The following GAB2 variants were observed in gnomAD, a reference collection of about 807,000 sequenced individuals.
GAB2 encodes GRB2 associated binding protein 2.
Under a neutral mutation model 65.5 loss-of-function variants are expected in GAB2, and 26 were observed. The observed-to-expected ratio is 0.40, with a 90% CI of 0.29 to 0.55. The LOEUF (loss-of-function observed/expected upper bound fraction) is 0.55. GAB2 is among the 20% of genes least tolerant of loss of function. GAB2 has a pLI of 0.53. For missense variants in GAB2, 884 were observed against 875.8 expected (o/e 1.01, Z -0.12); for synonymous variants, 321 against 329.6 (o/e 0.97, Z 0.28).
chr11:78,342,494 C>T (rs1005405550), intron 1 of GAB2, among the ~76,000 whole-genome samples: 34 of 151,074 alleles, frequency 2.3e-4, no homozygotes, highest in Non-Finnish European at 4.4e-4. Flanking sequence ...CTACAAGCTC[C>T]GCCTCCCGGT....
chr11:78,232,678 A>G (rs1864877294), intron 3 of GAB2, among the ~76,000 whole-genome samples: 1 of 152,244 alleles, frequency 6.6e-6, no homozygotes, highest in Non-Finnish European at 1.5e-5. Flanking sequence ...TGATAAATAC[A>G]TAATTCACAG....
chr11:78,275,802 A>G (rs923964774), intron 2 of GAB2, among the ~76,000 whole-genome samples: 5 of 152,126 alleles, frequency 3.3e-5, no homozygotes, highest in Middle Eastern at 3.2e-3. Context: ...CTATATATCT[A>G]TATCTATATA....
At chr11:78,346,316 A>G (rs936632635) in intron 1 of GAB2, among the ~76,000 whole-genome samples, 3 of 152,124 alleles carry the variant, frequency 2.0e-5, no homozygotes, top group Non-Finnish European at 4.4e-5. Context: ...CAGACTTTTT[A>G]TGAGTATCAT....
chr11:78,336,009 A>G (rs1855990972), intron 1 of GAB2, among the ~76,000 whole-genome samples: 1 of 151,960 alleles, frequency 6.6e-6, no homozygotes, highest in South Asian at 2.1e-4. Context: ...AAATGGGATT[A>G]CTTTTTAAAA....
intron 5 of GAB2, among the ~76,000 whole-genome samples, chr11:78,224,091 A>G (rs1864550091): frequency 6.6e-6 from 1 of 152,192 alleles, no homozygotes; most frequent in African/African-American, 2.4e-5. Context: ...CAAAAAATAA[A>G]AAATAAAAAA....
intron 1 of GAB2, among the ~76,000 whole-genome samples, chr11:78,349,952 A>C (rs1016470387): frequency 2.6e-5 from 4 of 152,188 alleles, no homozygotes; most frequent in Admixed American, 1.3e-4. Context: ...AAAAAAAAGA[A>C]AGACAATCAA....
At chr11:78,328,957 C>A (rs955297239) in intron 1 of GAB2, among the ~76,000 whole-genome samples, 1 of 152,106 alleles carries the variant, frequency 6.6e-6, no homozygotes, top group African/African-American at 2.4e-5. Flanking sequence ...AGATGTGGAA[C>A]TCTAGGGAAT....
intron 2 of GAB2, among the ~76,000 whole-genome samples, chr11:78,269,727 C>G (rs749677323): frequency 4.6e-5 from 7 of 152,064 alleles, no homozygotes; most frequent in Admixed American, 6.6e-5. Flanking sequence ...TAAGTATTTA[C>G]AAAATATTTA....
At chr11:78,405,700 A>T (rs777790126) in intron 1 of GAB2, among the ~76,000 whole-genome samples, 7 of 152,224 alleles carry the variant, frequency 4.6e-5, no homozygotes, top group African/African-American at 7.2e-5. Context: ...CTAAAAGGTG[A>T]AGAGTAGGCG....
chr11:78,394,148 C>T (rs964490329), intron 1 of GAB2, among the ~76,000 whole-genome samples: 4 of 152,108 alleles, frequency 2.6e-5, no homozygotes, highest in Non-Finnish European at 4.4e-5. Flanking sequence ...ATTTGCTGGG[C>T]GTGGTGGCAC....
rs1323644206 is a variant in GAB2, at chr11:78,219,285, C to T, written c.2018G>A (p.Gly673Asp). The change falls in exon 10 of 10, where the codon GGT becomes GAT. Residue 673 changes from glycine (G) to aspartate (D), a missense_variant. Coordinates refer to ENST00000361507, the MANE Select transcript of GAB2 (RefSeq NM_080491.3). The stretch of plus-strand genomic sequence containing the variant: ...GTGGCCCTCTCATCACAGCTTGGCA[C>T]CCTTGGAAGGCTCTGAGGACTGCCG... ...DVRQSSEPSK[G>D]AKL 1 of 1,613,492 alleles carries T rather than the reference C, an allele frequency of 6.2e-7. No homozygotes were observed. The highest frequency in any genetic ancestry group is 8.5e-7 in the Non-Finnish European group (1 of 1,179,948).
In GAB2 at chr11:78,375,580, T is replaced by C. The variant is rs531236816; in HGVS notation, c.75+42066A>G. 6.6e-5 allele frequency among the ~76,000 whole-genome samples: 10 copies of C among 152,340 alleles called. No individual in the cohort carries two copies. In the East Asian group the frequency reaches 9.6e-4, roughly 15 times the overall value. On this transcript the variant is annotated intron_variant, in intron 1 of 9. Transcript: ENST00000361507. ...ATAGTTCCCAATATGCCCACTGATA[T>C]AGAAGTAAATGGATACATCTTGAGA...
chr11:78,410,176 A>C (rs1402042507), intron 1 of GAB2, among the ~76,000 whole-genome samples: 1 of 152,242 alleles, frequency 6.6e-6, no homozygotes, highest in Non-Finnish European at 1.5e-5. Context: ...ACATTAAATA[A>C]GAGGAAAAGT....
At chr11:78,303,320 T>C (rs1019379804) in intron 1 of GAB2, among the ~76,000 whole-genome samples, 6 of 152,212 alleles carry the variant, frequency 3.9e-5, no homozygotes, top group African/African-American at 1.2e-4. Flanking sequence ...AGCTTTGATA[T>C]TTGTCTATGA....
Position 78,280,745 on chromosome 11 carries a change from T to C in GAB2, c.232A>G (p.Lys78Glu). The C allele has an allele frequency of 6.2e-7, 1 of 1,614,160 alleles. No individual in the cohort carries two copies. Among genetic ancestry groups the C allele is most frequent in the Non-Finnish European group, 8.5e-7 (1 of 1,180,012 alleles). The change falls in exon 2 of 10, where the codon AAG becomes GAG. Residue 78 changes from lysine to glutamate, a missense_variant. Transcript: ENST00000361507. ...AACACAAAACTATCCTGCAGCTCCTTCTTGTTAAAGGTCAGGCCTGCATCT... is the reference window on the plus strand; with the variant it reads ...AACACAAAACTATCCTGCAGCTCCTCCTTGTTAAAGGTCAGGCCTGCATCT... Reference protein sequence around the residue: ...QVDAGLTFNKKELQDSFVFDI... With the variant: ...QVDAGLTFNKEELQDSFVFDI...
chr11:78,253,610 T>C (rs1419240225), intron 2 of GAB2, among the ~76,000 whole-genome samples: 2 of 152,088 alleles, frequency 1.3e-5, no homozygotes, highest in Non-Finnish European at 2.9e-5. Context: ...TTTAAAGACA[T>C]TTTCCTGTTT....
intron 1 of GAB2, among the ~76,000 whole-genome samples, chr11:78,331,961 A>G (rs1200795491): frequency 1.3e-5 from 2 of 152,164 alleles, no homozygotes; most frequent in Non-Finnish European, 2.9e-5. Context: ...CTCCACACAC[A>G]AAAGGGCATT....
intron 1 of GAB2, among the ~76,000 whole-genome samples, chr11:78,299,367 A>T (rs1468401201): frequency 6.6e-6 from 1 of 152,222 alleles, no homozygotes; most frequent in Non-Finnish European, 1.5e-5. Flanking sequence ...TTAAGATCAC[A>T]GGAAAAGACA....
intron 1 of GAB2, among the ~76,000 whole-genome samples, chr11:78,384,517 G>A (rs189482276): frequency 5.5e-4 from 84 of 152,292 alleles, no homozygotes; most frequent in Non-Finnish European, 1.0e-3. Flanking sequence ...CCTGCCAAAG[G>A]GGACCCAGAA....
Sources: allele counts gnomAD v4.1 joint callset (sites outside exome capture counted in the v4.1 genomes callset), GRCh38; gene constraint gnomAD v4.1.1; transcripts MANE v1.5; gene names NCBI Gene and HGNC (gene_info 2026-07-23, HGNC 2026-07-21).